Variants in KCNMA1 observed in about 807,000 individuals in gnomAD.
The protein encoded by KCNMA1 is potassium calcium-activated channel subfamily M alpha 1, also known as Calcium-activated potassium channel subunit alpha-1.
Under a neutral mutation model 140.0 loss-of-function variants are expected in KCNMA1, and 29 were observed. The observed-to-expected ratio is 0.21, with a 90% confidence interval of 0.15 to 0.28. The LOEUF (loss-of-function observed/expected upper bound fraction) is 0.28, where lower values mean the gene tolerates loss of function less well. Among genes scored for constraint, KCNMA1 ranks in the 10% least tolerant of loss-of-function variants. The pLI is 1.00. For missense variants in KCNMA1, 880 were observed against 1,602.2 expected (o/e 0.55, Z 7.70); for synonymous variants, 612 against 611.9 (o/e 1.00, Z 0.00).
intron 1 of KCNMA1, among the ~76,000 whole-genome samples, chr10:77,591,807 C>T (rs891259344): frequency 6.6e-6 from 1 of 152,218 alleles, no homozygotes; most frequent in Non-Finnish European, 1.5e-5. Flanking sequence ...ACTTCCTCAG[C>T]AAACACCTGT....
chr10:76,995,551 A>G (rs2084005971), intron 19 of KCNMA1: 2 of 471,072 alleles, frequency 4.2e-6, no homozygotes, highest in South Asian at 3.1e-5. Context: ...GCTCAAGTGG[A>G]AGGCGGGCTG....
intron 1 of KCNMA1, among the ~76,000 whole-genome samples, chr10:77,560,000 A>G (rs2065837772): frequency 6.7e-6 from 1 of 149,994 alleles, no homozygotes; most frequent in Admixed American, 6.7e-5. Context: ...ACATGGTGAA[A>G]CCCTGTCTCT....
At chr10:77,398,081 T>TA (rs1491447421) in intron 2 of KCNMA1, among the ~76,000 whole-genome samples, 125 of 149,220 alleles carry the variant, frequency 8.4e-4, no homozygotes, top group Admixed American at 1.3e-3. Context: ...TGTGTGTGTA[T>TA]TTTTTTTTTC....
At chr10:77,103,707 G>T (rs1564555365) in intron 9 of KCNMA1, among the ~76,000 whole-genome samples, 1 of 152,226 alleles carries the variant, frequency 6.6e-6, no homozygotes, top group Non-Finnish European at 1.5e-5. Context: ...TGCTAGAAGT[G>T]TTCAAGAGGG....
At chr10:77,248,836 T>C (rs774966430) in intron 3 of KCNMA1, among the ~76,000 whole-genome samples, 1 of 152,146 alleles carries the variant, frequency 6.6e-6, no homozygotes, top group Admixed American at 6.5e-5. Flanking sequence ...ACACTAATTC[T>C]CTCCCAAACT....
At chr10:77,081,994 C>CTTT (rs1470602558) in intron 12 of KCNMA1, among the ~76,000 whole-genome samples, 1 of 68,526 alleles carries the variant, frequency 1.5e-5, no homozygotes, top group African/African-American at 6.4e-5. Flanking sequence ...CCAGTAATTT[C>CTTT]TTTTTTTCTT....
At chr10:77,397,219 C>T (rs1455380351) in intron 2 of KCNMA1, among the ~76,000 whole-genome samples, 1 of 152,120 alleles carries the variant, frequency 6.6e-6, no homozygotes, top group African/African-American at 2.4e-5. Context: ...TCTTGCTACT[C>T]GACCTTAGAG....
In KCNMA1 at chr10:77,307,497, A is replaced by G. The variant is rs192775168; in HGVS notation, c.541-56241T>C. Among the ~76,000 whole-genome samples, 94 of 152,350 alleles carry G rather than the reference A, an allele frequency of 6.2e-4. No homozygotes were observed. The South Asian group carries it at 6.6e-3, about 11-fold the overall frequency. On this transcript the variant is annotated intron_variant, in intron 2 of 27. Coordinates refer to ENST00000286628, the MANE Select transcript of KCNMA1 (RefSeq NM_001161352.2). ...GTGTTGGGTTAGATAATTTTGCCCA[A>G]CTATGAGCTAATGTAAGTGTTCTGA...
intron 2 of KCNMA1, among the ~76,000 whole-genome samples, chr10:77,348,668 T>C (rs560244700): frequency 3.9e-4 from 60 of 152,364 alleles, no homozygotes; most frequent in African/African-American, 1.4e-3. Flanking sequence ...TCCAGAAATA[T>C]ATTTCTGTAA....
chr10:77,507,867 A>C (rs1339252326), intron 1 of KCNMA1, among the ~76,000 whole-genome samples: 1 of 152,228 alleles, frequency 6.6e-6, no homozygotes, highest in Non-Finnish European at 1.5e-5. Context: ...GCTTCTAGGA[A>C]TCTGTCCTAA....
intron 25 of KCNMA1, among the ~76,000 whole-genome samples, chr10:76,901,045 C>T (rs74543712): frequency 0.015 from 2,315 of 152,050 alleles, 51 homozygotes; most frequent in African/African-American, 0.053. Flanking sequence ...AGTGATAAAT[C>T]GATTCTGGAA....
At chr10:77,525,554 G>A (rs1055019688) in intron 1 of KCNMA1, among the ~76,000 whole-genome samples, 1 of 152,196 alleles carries the variant, frequency 6.6e-6, no homozygotes, top group African/African-American at 2.4e-5. Context: ...GTGCTTCAAC[G>A]GCCCACTGGC....
intron 23 of KCNMA1, among the ~76,000 whole-genome samples, chr10:76,919,256 A>G (rs1381434531): frequency 6.6e-6 from 1 of 152,156 alleles, no homozygotes; most frequent in Non-Finnish European, 1.5e-5. Context: ...GATCACCACT[A>G]AAGAACTTAC....
intron 1 of KCNMA1, among the ~76,000 whole-genome samples, chr10:77,515,486 C>T (rs2050071831): frequency 1.3e-5 from 2 of 152,112 alleles, no homozygotes; most frequent in African/African-American, 4.8e-5. Context: ...CTGGGGAGCA[C>T]GTTCAGAGGT....
At chr10:76,965,526 TC>T (rs2073549083) in intron 20 of KCNMA1, among the ~76,000 whole-genome samples, 1 of 152,128 alleles carries the variant, frequency 6.6e-6, no homozygotes, top group Non-Finnish European at 1.5e-5. Context: ...CTTCAGGGGT[TC>T]CCTAATGCCT....
At chr10:77,511,041 A>C (rs1350660356) in intron 1 of KCNMA1, among the ~76,000 whole-genome samples, 1 of 152,196 alleles carries the variant, frequency 6.6e-6, no homozygotes, top group Non-Finnish European at 1.5e-5. Context: ...CGAGCCTTGA[A>C]TTTCCACATG....
At chr10:77,471,238 C>T (rs571141965) in intron 1 of KCNMA1, among the ~76,000 whole-genome samples, 2 of 149,980 alleles carry the variant, frequency 1.3e-5, no homozygotes, top group Admixed American at 6.6e-5. Context: ...CATAACACAA[C>T]TCACACTACA....
intron 3 of KCNMA1, among the ~76,000 whole-genome samples, chr10:77,217,224 G>T (rs2048068339): frequency 6.6e-6 from 1 of 151,336 alleles, no homozygotes; most frequent in South Asian, 2.1e-4. Flanking sequence ...AGAATCGCTT[G>T]AACCTAGAAG....
chr10:76,917,848 G>A (rs1169160615), intron 23 of KCNMA1, among the ~76,000 whole-genome samples: 2 of 152,122 alleles, frequency 1.3e-5, no homozygotes, highest in African/African-American at 4.8e-5. Flanking sequence ...TTCTTTCTTA[G>A]GGGTACTGAT....
Sources: gnomAD v4.1 joint callset for allele counts (sites outside exome capture counted in the v4.1 genomes callset) on GRCh38, gnomAD v4.1.1 for gene constraint, MANE v1.5 for transcripts, NCBI Gene and HGNC (gene_info 2026-07-23, HGNC 2026-07-21) for gene names.